The following TRPS1 variants were observed in gnomAD, a reference collection of about 807,000 sequenced individuals.
TRPS1 encodes transcriptional repressor GATA binding 1.
Under a neutral mutation model 101.2 loss-of-function variants are expected in TRPS1, and 6 were observed. The ratio of observed to expected loss-of-function variants is 0.06; its 90% CI spans 0.03 to 0.12. The LOEUF is 0.12. TRPS1 is among the 10% of genes least tolerant of loss of function. The probability of loss-of-function intolerance (pLI) is 1.00; values close to 1 mark genes in which losing one functional copy is unlikely to be tolerated. For missense variants in TRPS1, 1,363 were observed against 1,567.0 expected (o/e 0.87, Z 2.20); for synonymous variants, 578 against 589.8 (o/e 0.98, Z 0.29).
chr8:115,569,657 G>A (rs1817153637), intron 5 of TRPS1, among the ~76,000 whole-genome samples: 1 of 151,920 alleles, frequency 6.6e-6, no homozygotes, highest in Admixed American at 6.6e-5. Context: ...ATATGCCTTT[G>A]CTTCTCTGAC....
At chr8:115,468,526 G>A (rs1483582) in intron 5 of TRPS1, among the ~76,000 whole-genome samples, 97,762 of 152,022 alleles carry the variant, frequency 0.64, 32,140 homozygotes, top group East Asian at 0.84. Context: ...TGTGGTTACC[G>A]TGTCTCAAGA....
At chr8:115,657,387 T>C (rs1015450779) in intron 1 of TRPS1, among the ~76,000 whole-genome samples, 1 of 152,120 alleles carries the variant, frequency 6.6e-6, no homozygotes, top group African/African-American at 2.4e-5. Flanking sequence ...CTCGACTTGA[T>C]GGAAGTACAA....
intron 4 of TRPS1, among the ~76,000 whole-genome samples, chr8:115,589,738 C>T (rs1246225796): frequency 6.6e-6 from 1 of 152,092 alleles, no homozygotes; most frequent in African/African-American, 2.4e-5. Context: ...AAAAACAGGA[C>T]TAAGAATACA....
intron 5 of TRPS1, among the ~76,000 whole-genome samples, chr8:115,526,054 TA>T (rs778750491): frequency 2.2e-3 from 339 of 152,244 alleles, no homozygotes; most frequent in Non-Finnish European, 3.8e-3. Context: ...AATATCAAGA[TA>T]AATTAGGCTA....
At chr8:115,438,916 C>A (rs370939598) in intron 5 of TRPS1, among the ~76,000 whole-genome samples, 4 of 152,290 alleles carry the variant, frequency 2.6e-5, no homozygotes, top group Middle Eastern at 3.4e-3. Flanking sequence ...TTTTGCTAGG[C>A]TGCGAAAATA....
chr8:115,622,801 G>T (rs1818424336), intron 2 of TRPS1, among the ~76,000 whole-genome samples: 1 of 152,078 alleles, frequency 6.6e-6, no homozygotes, highest in African/African-American at 2.4e-5. Context: ...ATTCATTAAG[G>T]TTAGCCTTCC....
chr8:115,516,286 A>AT (rs5894271), intron 5 of TRPS1, among the ~76,000 whole-genome samples: 151,544 of 151,544 alleles, frequency 1, 75,772 homozygotes, highest in Non-Finnish European at 1. Flanking sequence ...GAACTAAAGT[A>AT]TCGTAATGAG....
intron 4 of TRPS1, among the ~76,000 whole-genome samples, chr8:115,599,512 CCA>C (rs1817861539): frequency 6.6e-6 from 1 of 151,972 alleles, no homozygotes; most frequent in African/African-American, 2.4e-5. Flanking sequence ...TCCAACAAGC[CCA>C]GTGTGTGATG....
intron 5 of TRPS1, among the ~76,000 whole-genome samples, chr8:115,554,287 T>A (rs1003787738): frequency 3.3e-5 from 5 of 152,204 alleles, no homozygotes; most frequent in Non-Finnish European, 7.4e-5. Flanking sequence ...AGAGATAACC[T>A]AAGAGTAGAG....
intron 5 of TRPS1, among the ~76,000 whole-genome samples, chr8:115,516,422 T>A (rs895512854): frequency 7.3e-5 from 11 of 151,530 alleles, no homozygotes; most frequent in African/African-American, 2.7e-4. Context: ...TGAAAAAAAT[T>A]GATATGCTTT....
intron 5 of TRPS1, among the ~76,000 whole-genome samples, chr8:115,459,785 C>A (rs1246788187): frequency 6.6e-6 from 1 of 152,170 alleles, no homozygotes; most frequent in East Asian, 1.9e-4. Flanking sequence ...ATTCAGACCA[C>A]TGAAGTTATC....
intron 5 of TRPS1, among the ~76,000 whole-genome samples, chr8:115,493,381 T>C (rs943268496): frequency 3.9e-5 from 6 of 152,172 alleles, no homozygotes; most frequent in Admixed American, 6.5e-5. Context: ...TGAGACACAG[T>C]TTGGCTCCTG....
intron 1 of TRPS1, among the ~76,000 whole-genome samples, chr8:115,646,582 C>A (rs753289038): frequency 2.6e-5 from 4 of 152,030 alleles, no homozygotes; most frequent in African/African-American, 4.8e-5. Context: ...TAAGTATGCC[C>A]CCCATACTCT....
intron 1 of TRPS1, among the ~76,000 whole-genome samples, chr8:115,656,350 T>G (rs186735131): frequency 4.7e-4 from 71 of 152,264 alleles, no homozygotes; most frequent in Middle Eastern, 6.8e-3. Context: ...GTCTTTACAT[T>G]AAAATATGTC....
intron 5 of TRPS1, among the ~76,000 whole-genome samples, chr8:115,512,735 T>C (rs976363546): frequency 2.6e-5 from 4 of 151,738 alleles, no homozygotes; most frequent in South Asian, 2.1e-4. Context: ...TGTGCATATA[T>C]TGAATTCCAT....
At chr8:115,564,988 G>C (rs539956360) in intron 5 of TRPS1, among the ~76,000 whole-genome samples, 2 of 152,076 alleles carry the variant, frequency 1.3e-5, no homozygotes, top group African/African-American at 4.8e-5. Flanking sequence ...TATATATATA[G>C]GGGCTTCGAA....
chr8:115,449,110 A>T (rs1813806013), intron 5 of TRPS1, among the ~76,000 whole-genome samples: 1 of 152,222 alleles, frequency 6.6e-6, no homozygotes, highest in Admixed American at 6.5e-5. Flanking sequence ...TGATTATATT[A>T]GTCACAATTA....
intron 1 of TRPS1, among the ~76,000 whole-genome samples, chr8:115,644,973 C>G (rs1818991499): frequency 6.6e-6 from 1 of 151,976 alleles, no homozygotes; most frequent in Admixed American, 6.6e-5. Context: ...AAAACAATAA[C>G]AATAGTGACA....
chr8:115,530,399 C>T (rs977334420), intron 5 of TRPS1, among the ~76,000 whole-genome samples: 4 of 151,970 alleles, frequency 2.6e-5, no homozygotes, highest in African/African-American at 9.7e-5. Flanking sequence ...AGGCCAGTAA[C>T]CTAGGGATCT....
Sources: gnomAD v4.1 joint callset for allele counts (sites outside exome capture counted in the v4.1 genomes callset) on GRCh38, gnomAD v4.1.1 for gene constraint, MANE v1.5 for transcripts, NCBI Gene and HGNC (gene_info 2026-07-23, HGNC 2026-07-21) for gene names.